The following HERC1 variants were observed in gnomAD, a reference collection of about 807,000 sequenced individuals.
HERC1 encodes the protein probable E3 ubiquitin-protein ligase HERC1.
HERC1 carries 160 observed loss-of-function variants against 554.3 expected under a neutral mutation model. The observed-to-expected ratio is 0.29, with a 90% confidence interval of 0.25 to 0.33. The LOEUF is 0.33. Ranked by LOEUF, HERC1 falls within the 10% of genes least tolerant of loss-of-function variation. The probability of loss-of-function intolerance (pLI) is 1.00; values close to 1 mark genes in which losing one functional copy is unlikely to be tolerated. For synonymous variants in HERC1, 2,175 were observed against 2,131.7 expected, an observed-to-expected ratio of 1.02 and a Z score of -0.56; for missense variants, 4,919 against 5,918.5, an observed-to-expected ratio of 0.83 and a Z score of 5.54.
At chr15:63,743,257 C>CTTTTTTT (rs2074894233) in intron 12 of HERC1, among the ~76,000 whole-genome samples, 1 of 89,358 alleles carries the variant, frequency 1.1e-5, no homozygotes, top group Non-Finnish European at 2.3e-5. Flanking sequence ...TTCTTTTTTT[C>CTTTTTTT]TTTTTCTTTT....
chr15:63,687,005 C>T (rs1443420781), intron 33 of HERC1, among the ~76,000 whole-genome samples: 1 of 152,088 alleles, frequency 6.6e-6, no homozygotes, highest in Non-Finnish European at 1.5e-5. Context: ...CATGTAATGA[C>T]TGGAAGATGA....
chr15:63,704,686 A>G (rs1352488054), intron 25 of HERC1, among the ~76,000 whole-genome samples: 1 of 151,914 alleles, frequency 6.6e-6, no homozygotes, highest in Non-Finnish European at 1.5e-5. Context: ...CATGTTGCAC[A>G]TTATACTAAA....
At chr15:63,687,314 C>A (rs957077733) in intron 33 of HERC1, among the ~76,000 whole-genome samples, 1 of 151,994 alleles carries the variant, frequency 6.6e-6, no homozygotes, top group Non-Finnish European at 1.5e-5. Flanking sequence ...CCGAAGCGGG[C>A]GGATCACAAG....
At chr15:63,701,750 G>A (rs2072732405) in intron 25 of HERC1, among the ~76,000 whole-genome samples, 1 of 152,078 alleles carries the variant, frequency 6.6e-6, no homozygotes, top group Admixed American at 6.5e-5. Context: ...AAAATATTTA[G>A]TTTGACATCA....
chr15:63,810,692 G>A (rs939669990), intron 1 of HERC1, among the ~76,000 whole-genome samples: 3 of 152,140 alleles, frequency 2.0e-5, no homozygotes, highest in African/African-American at 7.2e-5. Context: ...ATGGGAAAGC[G>A]TTGTAGGAGA....
rs545978300 is a variant in HERC1 at position 63,649,666 on chromosome 15, GCTAAGT to G, written c.10747+53_10747+58del. 2.3e-4 allele frequency: 324 copies of G among 1,389,502 alleles called. 1 individual carries two copies. In the East Asian group the frequency reaches 7.7e-3, roughly 33 times the overall value. 86.1% of individuals were successfully genotyped at this position (1,389,502 alleles called of 1,614,324 possible). ...TATTTTTAAAAGCAAATGCCAAAAA[GCTAAGT>G]CTAGAAAGGAAGTTGGAGACTCCGT... On this transcript the variant is annotated intron_variant, in intron 54 of 77. Transcript: ENST00000443617.
At chr15:63,766,028 C>A (rs916112423) in intron 2 of HERC1, among the ~76,000 whole-genome samples, 1 of 152,010 alleles carries the variant, frequency 6.6e-6, no homozygotes, top group African/African-American at 2.4e-5. Flanking sequence ...AATTGATTTG[C>A]GACCTGTCTC....
At chr15:63,814,831 G>T (rs1420698767) in intron 1 of HERC1, among the ~76,000 whole-genome samples, 2 of 152,178 alleles carry the variant, frequency 1.3e-5, no homozygotes, top group African/African-American at 4.8e-5. Flanking sequence ...TGGAAAATAT[G>T]AAACCTACCT....
intron 73 of HERC1, 120 bp downstream of exon 73, chr15:63,623,605 G>T: frequency 3.2e-6 from 3 of 946,342 alleles, no homozygotes; most frequent in Non-Finnish European, 4.9e-6. Context: ...CTTTATATGA[G>T]GCTCACAAAT....
chr15:63,645,507 G>A lies in HERC1; in HGVS notation c.11054C>T (p.Ser3685Phe). The part of the protein sequence containing the change: ...IAWCRLPGKG[S>F]KLQLLMATGC... ...CGTAGCCATCAGTAACTGCAACTTG[G>A]ATCCTTTCCCTGGAAGGCGGCACCA... Residue 3685 changes from serine to phenylalanine, a missense_variant, in exon 56 of 78, where the codon TCC (serine) becomes TTC (phenylalanine). Ser to Phe is a radical substitution (Grantham distance 155). Around this residue, in one of 11 missense-constraint regions of HERC1, gnomAD observed 1,963 missense variants for 2,228.6 expected, o/e 0.88. Transcript: ENST00000443617. 1 of 1,611,620 alleles carries A rather than the reference G, an allele frequency of 6.2e-7. No homozygotes were observed. Among genetic ancestry groups the A allele is most frequent in the Non-Finnish European group, 8.5e-7 (1 of 1,178,940 alleles).
chr15:63,680,640 T>C lies in HERC1; in HGVS notation c.6362A>G (p.Asn2121Ser), dbSNP rs1047528764. The change falls in exon 35 of 78, where the codon AAT becomes AGT. Residue 2121 changes from asparagine to serine, a missense_variant. Coordinates refer to ENST00000443617, the MANE Select transcript of HERC1 (RefSeq NM_003922.4). This position sits in a 1 kb window ranked among gnomAD's most constrained non-coding sequence, Gnocchi z 5.8. Reference protein sequence around the residue: ...YRAYSGNLYHNGEQTLTLSSF... With the variant: ...YRAYSGNLYHSGEQTLTLSSF... ...GGACAATGTGAGAGTCTGTTCTCCATTGTGATAGAGGTTACCACTGTAGGC... is the reference window on the plus strand; with the variant it reads ...GGACAATGTGAGAGTCTGTTCTCCACTGTGATAGAGGTTACCACTGTAGGC... The C allele has an allele frequency of 4.3e-6, 7 of 1,613,742 alleles. No homozygotes were observed. The highest frequency in any genetic ancestry group is 2.2e-5 in the East Asian group (1 of 44,888).
chr15:63,803,417 C>CT (rs2077049294), intron 1 of HERC1, among the ~76,000 whole-genome samples: 1 of 151,854 alleles, frequency 6.6e-6, no homozygotes, highest in Non-Finnish European at 1.5e-5. Context: ...ATATCATGCT[C>CT]TTTTTTTCTC....
intron 1 of HERC1, among the ~76,000 whole-genome samples, chr15:63,824,658 G>C (rs1210859816): frequency 6.6e-6 from 1 of 152,080 alleles, no homozygotes; most frequent in East Asian, 1.9e-4. Flanking sequence ...GTTCACTGCA[G>C]CATTATTCAC....
At chr15:63,703,860 T>C (rs2072860476) in intron 25 of HERC1, among the ~76,000 whole-genome samples, 1 of 150,928 alleles carries the variant, frequency 6.6e-6, no homozygotes, top group Non-Finnish European at 1.5e-5. Flanking sequence ...AGTGGTGCAG[T>C]GAGCTGTGAT....
chr15:63,629,228 G>A (rs2068441799), intron 69 of HERC1, among the ~76,000 whole-genome samples: 1 of 152,148 alleles, frequency 6.6e-6, no homozygotes, highest in Non-Finnish European at 1.5e-5. Flanking sequence ...GGGATTACAG[G>A]TGTGAGCCAC....
rs137931546 is a variant in HERC1, at chr15:63,676,611, C to T, written c.7070+1234G>A. Among the ~76,000 whole-genome samples, 805 of 152,084 alleles carry T rather than the reference C, an allele frequency of 5.3e-3. 9 individuals carry two copies. The highest frequency in any genetic ancestry group is 6.7e-3 in the Non-Finnish European group (457 of 67,980). On this transcript the variant is annotated intron_variant, in intron 37 of 77. Coordinates refer to ENST00000443617, the MANE Select transcript of HERC1 (RefSeq NM_003922.4). ...GTCTCTACAAAAATATAAAAATTAG[C>T]CGGGCATGATGGTGGGTGCCTGTAA...
At chr15:63,811,569 G>A (rs925384339) in intron 1 of HERC1, among the ~76,000 whole-genome samples, 16 of 152,048 alleles carry the variant, frequency 1.1e-4, no homozygotes, top group South Asian at 2.1e-4. Context: ...CAGCACTTTC[G>A]GCGGCCGAGA....
chr15:63,650,374 AAAAT>A (rs556654636), intron 53 of HERC1, among the ~76,000 whole-genome samples: 3 of 152,112 alleles, frequency 2.0e-5, no homozygotes, highest in African/African-American at 4.8e-5. Flanking sequence ...ACTCCGTCTC[AAAAT>A]AAATAAATAA....
intron 12 of HERC1, among the ~76,000 whole-genome samples, chr15:63,741,390 T>C (rs2074799770): frequency 6.6e-6 from 1 of 151,784 alleles, no homozygotes; most frequent in African/African-American, 2.4e-5. Flanking sequence ...AATGGTGTGA[T>C]CTCAGCTCAC....
Sources: allele counts gnomAD v4.1 joint callset (sites outside exome capture counted in the v4.1 genomes callset), GRCh38; gene constraint gnomAD v4.1.1; regional missense constraint gnomAD v4.1.1; non-coding constraint Gnocchi (gnomAD v3.1); transcripts MANE v1.5; gene names NCBI Gene and HGNC (gene_info 2026-07-23, HGNC 2026-07-21).